Variants in PHF20 observed in about 807,000 individuals in gnomAD.
PHF20 encodes PHD finger protein 20, also known as glioma-expressed antigen 2.
A neutral mutation model predicts 113.5 loss-of-function variants in PHF20; 23 were observed. The ratio of observed to expected loss-of-function variants is 0.20; its 90% CI spans 0.15 to 0.29. The LOEUF (loss-of-function observed/expected upper bound fraction) is 0.29. Among genes scored for constraint, PHF20 ranks in the 10% least tolerant of loss-of-function variants. The pLI, the probability that PHF20 is intolerant of heterozygous loss-of-function variation, is 1.00. For synonymous variants in PHF20, 434 were observed against 457.3 expected (o/e 0.95, Z 0.65); for missense variants, 943 against 1,219.6 (o/e 0.77, Z 3.38).
chr20:35,936,894 A>G (rs761412367), intron 15 of PHF20, among the ~76,000 whole-genome samples: 12 of 152,186 alleles, frequency 7.9e-5, no homozygotes, highest in Non-Finnish European at 1.3e-4. Flanking sequence ...ACTTGAAGAT[A>G]TTTATTCTGA....
At chr20:35,806,143 G>A (rs995882624) in intron 2 of PHF20, among the ~76,000 whole-genome samples, 10 of 150,422 alleles carry the variant, frequency 6.6e-5, no homozygotes, top group African/African-American at 2.0e-4. Context: ...GATTACAAGC[G>A]TGAGCCACCA....
In PHF20 at chr20:35,884,262, C is replaced by T. The variant is rs747068377; in HGVS notation, c.1282+12433C>T. Reference sequence around the variant, plus strand: ...CTGCGTTAGTCACTGTTTAGTGTTGCTTTCCTGAGTCGGTGCCATAGTCTT... The same window carrying T: ...CTGCGTTAGTCACTGTTTAGTGTTGTTTTCCTGAGTCGGTGCCATAGTCTT... On this transcript the variant is annotated intron_variant, in intron 9 of 17. Transcript: ENST00000374012. 2.2e-4 allele frequency among the ~76,000 whole-genome samples: 34 copies of T among 152,310 alleles called. No homozygotes were observed. The Middle Eastern group carries it at 0.01, about 46-fold the overall frequency.
intron 9 of PHF20, among the ~76,000 whole-genome samples, chr20:35,873,463 T>G (rs1238022249): frequency 7.3e-6 from 1 of 136,902 alleles, no homozygotes; most frequent in Non-Finnish European, 1.6e-5. Context: ...TGTCTGTTTT[T>G]TTGTTTTTTT....
At chr20:35,876,001 G>A (rs371952005) in intron 9 of PHF20, among the ~76,000 whole-genome samples, 1 of 152,162 alleles carries the variant, frequency 6.6e-6, no homozygotes, top group East Asian at 1.9e-4. Context: ...GTATAGTAAG[G>A]GTGGGACAGG....
At chr20:35,939,765 TTC>T (rs1455035514) in intron 16 of PHF20, among the ~76,000 whole-genome samples, 8 of 152,092 alleles carry the variant, frequency 5.3e-5, no homozygotes, top group African/African-American at 1.9e-4. Flanking sequence ...ATTTGAGAGT[TTC>T]TCTGTCTCAT....
At chr20:35,783,578 G>A (rs1463495206) in intron 1 of PHF20, among the ~76,000 whole-genome samples, 2 of 151,010 alleles carry the variant, frequency 1.3e-5, no homozygotes, top group Admixed American at 1.3e-4. Context: ...CACCGCGCTT[G>A]GCTAATTTTT....
At chr20:35,820,984 CAT>C (rs1260150895) in intron 2 of PHF20, among the ~76,000 whole-genome samples, 1 of 151,954 alleles carries the variant, frequency 6.6e-6, no homozygotes, top group Non-Finnish European at 1.5e-5. Context: ...TAGGTAGGAA[CAT>C]GTGGCTGGGA....
At chr20:35,810,545 G>C (rs894111786) in intron 2 of PHF20, among the ~76,000 whole-genome samples, 1 of 152,228 alleles carries the variant, frequency 6.6e-6, no homozygotes, top group South Asian at 2.1e-4. Context: ...CCTCATGTGG[G>C]TGCTCTTATG....
At chr20:35,854,196 T>C (rs1334973939) in intron 4 of PHF20, among the ~76,000 whole-genome samples, 2 of 152,244 alleles carry the variant, frequency 1.3e-5, no homozygotes, top group Admixed American at 6.5e-5. Flanking sequence ...GAGCTTGTTA[T>C]GCATCTCAGT....
At chr20:35,772,390 C>G (rs1017264492) in intron 1 of PHF20, among the ~76,000 whole-genome samples, 1 of 151,878 alleles carries the variant, frequency 6.6e-6, no homozygotes, top group African/African-American at 2.4e-5. Flanking sequence ...CGGAGCGGGC[C>G]GTGTTGGGGG....
At chr20:35,945,298 C>T (rs2056065787) in intron 17 of PHF20, among the ~76,000 whole-genome samples, 2 of 152,110 alleles carry the variant, frequency 1.3e-5, no homozygotes, top group Admixed American at 1.3e-4. Context: ...CAGCCTTTGC[C>T]CTCGTGGAAC....
Position 35,917,561 on chromosome 20 carries a change from A to T in PHF20, c.1903A>T (p.Thr635Ser), listed in dbSNP as rs964082935. The change falls in exon 13 of 18, where the codon ACC becomes TCC. Residue 635 changes from threonine to serine, a missense_variant. Coordinates refer to ENST00000374012, the MANE Select transcript of PHF20 (RefSeq NM_016436.5). ...TGAGTATGGCCAAGATGTGGATGTGACCACCAACCCAGATGAGGAACTTGA... is the reference window on the plus strand; with the variant it reads ...TGAGTATGGCCAAGATGTGGATGTGTCCACCAACCCAGATGAGGAACTTGA... ...DDEYGQDVDVTTNPDEELDGD... is the reference protein window; with the variant it reads ...DDEYGQDVDVSTNPDEELDGD... 1.9e-6 allele frequency: 3 copies of T among 1,613,882 alleles called. No homozygotes were observed. Among genetic ancestry groups the T allele is most frequent in the African/African-American group, 2.7e-5 (2 of 74,878 alleles).
intron 9 of PHF20, among the ~76,000 whole-genome samples, chr20:35,881,048 C>CTTTTTTTTTTTTTTTT (rs773060725): frequency 7.3e-5 from 8 of 109,748 alleles, no homozygotes; most frequent in African/African-American, 3.2e-4. Context: ...CTCTAAATAC[C>CTTTTTTTTTTTTTTTT]TTTTTTTTTT....
At position 35,871,840 on chromosome 20, in the gene PHF20, A is replaced by G. The variant is rs1306566990; in HGVS notation, c.1282+11A>G. 1 of 1,577,082 alleles carries G rather than the reference A, an allele frequency of 6.3e-7. No homozygotes were observed. The highest frequency in any genetic ancestry group is 8.6e-7 in the Non-Finnish European group (1 of 1,157,670). On this transcript the variant is annotated intron_variant, in intron 9 of 17. Transcript: ENST00000374012. ...TTTCGACTGTGGAAGGTTCATATTTAGAGTTAAATTAATCCTCTTTTTATA... is the reference window on the plus strand; with the variant it reads ...TTTCGACTGTGGAAGGTTCATATTTGGAGTTAAATTAATCCTCTTTTTATA...
chr20:35,947,633 G>A lies in PHF20; in HGVS notation c.*6G>A, dbSNP rs955630317. On this transcript the variant is annotated 3_prime_UTR_variant, in exon 18 of 18. Transcript: ENST00000374012. ...CCCTCTGCTGCTCAACATGAAACTG[G>A]GCACCCAAAACTCATGGGGGCACAA... is the stretch of plus-strand genomic sequence containing the variant. 1 of 1,612,328 alleles carries A rather than the reference G, an allele frequency of 6.2e-7. No homozygotes were observed. Among genetic ancestry groups the A allele is most frequent in the Non-Finnish European group, 8.5e-7 (1 of 1,178,832 alleles).
chr20:35,825,439 C>T (rs891675739), intron 2 of PHF20, among the ~76,000 whole-genome samples: 7 of 152,106 alleles, frequency 4.6e-5, no homozygotes, highest in Non-Finnish European at 2.9e-5. Context: ...TGCACTCCCT[C>T]CTCAGGCTCC....
intron 9 of PHF20, 87 bp from the exon 10 acceptor site, chr20:35,899,283 C>A: frequency 9.1e-7 from 1 of 1,096,952 alleles, no homozygotes; most frequent in Non-Finnish European, 1.3e-6. Context: ...GCTAGTCTTT[C>A]ACCCTCAGTT....
At chr20:35,858,888 CAG>C (rs2042885877) in intron 5 of PHF20, among the ~76,000 whole-genome samples, 1 of 152,148 alleles carries the variant, frequency 6.6e-6, no homozygotes, top group African/African-American at 2.4e-5. Context: ...TTCCTTTTAA[CAG>C]AGATTTTTTT....
At chr20:35,773,114 TA>T (rs1299914334) in intron 1 of PHF20, among the ~76,000 whole-genome samples, 1 of 152,202 alleles carries the variant, frequency 6.6e-6, no homozygotes, top group African/African-American at 2.4e-5. Flanking sequence ...CTCATTTTCA[TA>T]TCTGGGAGTA....
Sources: gnomAD v4.1 joint callset for allele counts (sites outside exome capture counted in the v4.1 genomes callset) on GRCh38, gnomAD v4.1.1 for gene constraint, MANE v1.5 for transcripts, NCBI Gene and HGNC (gene_info 2026-07-23, HGNC 2026-07-21) for gene names.